MYO1H: variants seen among roughly 807,000 people sequenced by gnomAD.
MYO1H encodes the protein unconventional myosin-Ih.
A neutral mutation model predicts 149.3 loss-of-function variants in MYO1H; 118 were observed. The ratio of observed to expected loss-of-function variants is 0.79; its 90% CI spans 0.68 to 0.92. MYO1H has a LOEUF of 0.92. Among genes scored for constraint, MYO1H ranks in the 40% least tolerant of loss-of-function variants. The pLI is 0.00. For missense variants in MYO1H, 1,212 were observed against 1,280.7 expected, an observed-to-expected ratio of 0.95 and a Z score of 0.82; for synonymous variants, 447 against 465.2, an observed-to-expected ratio of 0.96 and a Z score of 0.50.
the MYO1H span, among the ~76,000 whole-genome samples, chr12:109,321,410 G>A: frequency 1.3e-5 from 2 of 151,758 alleles, no homozygotes; most frequent in Non-Finnish European, 2.9e-5. Flanking sequence ...AAAATTAGCC[G>A]GGTGTGGTGA....
chr12:109,372,185 T>C (rs1272874884), intron 1 of MYO1H, among the ~76,000 whole-genome samples: 1 of 152,152 alleles, frequency 6.6e-6, no homozygotes, highest in Non-Finnish European at 1.5e-5. Flanking sequence ...TTGTGGATTC[T>C]GGTTGTTTTT....
chr12:109,408,656 G>A (rs533138995), intron 10 of MYO1H, among the ~76,000 whole-genome samples: 1 of 152,326 alleles, frequency 6.6e-6, no homozygotes, highest in African/African-American at 2.4e-5. Flanking sequence ...ATGATACATG[G>A]ATGGGGAGGG....
chr12:109,363,299 AC>A (rs1406989618), intron 1 of MYO1H, among the ~76,000 whole-genome samples: 3 of 152,306 alleles, frequency 2.0e-5, no homozygotes, highest in Admixed American at 2.0e-4. Flanking sequence ...TGCTTCTCCC[AC>A]TTACCCAGTC....
chr12:109,345,083 A>G (rs1386386187), upstream of MYO1H, among the ~76,000 whole-genome samples: 1 of 152,128 alleles, frequency 6.6e-6, no homozygotes, highest in Non-Finnish European at 1.5e-5. Context: ...AAGAAACCAA[A>G]GGTAAAAAAA....
chr12:109,352,443 G>A (rs976987299), intron 1 of MYO1H, among the ~76,000 whole-genome samples: 1 of 151,986 alleles, frequency 6.6e-6, no homozygotes, highest in Non-Finnish European at 1.5e-5. Flanking sequence ...GGGCTATTTG[G>A]GTAGCTACCC....
chr12:109,443,540 C>G (rs1239486066), exon 28 of MYO1H: 2 of 1,613,780 alleles, frequency 1.2e-6, no homozygotes. Flanking sequence ...TTAAATATGA[C>G]AGAAAAGGCT....
At chr12:109,417,032 G>A (rs993293675) in intron 15 of MYO1H, among the ~76,000 whole-genome samples, 2 of 151,624 alleles carry the variant, frequency 1.3e-5, no homozygotes, top group South Asian at 2.1e-4. Flanking sequence ...TTAGCCGGTC[G>A]TGGTGGTGAT....
chr12:109,324,062 A>T, the MYO1H span, among the ~76,000 whole-genome samples: 1 of 151,858 alleles, frequency 6.6e-6, no homozygotes, highest in Non-Finnish European at 1.5e-5. Context: ...TTTGGTCTTC[A>T]ATGTCTGGGA....
chr12:109,393,481 T>G, intron 3 of MYO1H, 35 bp downstream of exon 3: 1 of 1,415,256 alleles, frequency 7.1e-7, no homozygotes, highest in Non-Finnish European at 9.8e-7. Flanking sequence ...ACTAGGAGGA[T>G]TTTTCTTTTT....
the MYO1H span, among the ~76,000 whole-genome samples, chr12:109,342,420 C>T: frequency 1.3e-5 from 2 of 151,172 alleles, no homozygotes; most frequent in East Asian, 3.9e-4. Flanking sequence ...GTTGGGATTA[C>T]AGGCATGAGC....
chr12:109,364,825 C>T (rs1868835031), intron 1 of MYO1H, among the ~76,000 whole-genome samples: 2 of 152,046 alleles, frequency 1.3e-5, no homozygotes, highest in African/African-American at 4.8e-5. Context: ...ACAATGCTAC[C>T]TCCAGTGTGT....
the MYO1H span, among the ~76,000 whole-genome samples, chr12:109,324,642 A>G: frequency 3.3e-5 from 5 of 152,032 alleles, no homozygotes; most frequent in African/African-American, 1.2e-4. Flanking sequence ...ATTTCTTTCT[A>G]CATTTGTTAC....
chr12:109,396,733 A>C (rs1408050949), intron 4 of MYO1H, among the ~76,000 whole-genome samples, 151 bp downstream of exon 4: 3 of 151,632 alleles, frequency 2.0e-5, no homozygotes, highest in Non-Finnish European at 2.9e-5. Flanking sequence ...GTGACCTGGA[A>C]CTAAGCCCAT....
At chr12:109,372,550 A>G (rs908296344) in intron 1 of MYO1H, among the ~76,000 whole-genome samples, 48 of 152,214 alleles carry the variant, frequency 3.2e-4, no homozygotes, top group African/African-American at 1.2e-3. Context: ...GATAAGTTCT[A>G]TTCTTTCCAT....
In MYO1H at chr12:109,401,196, T is replaced by G. The variant is rs1870143870; in HGVS notation, c.674T>G (p.Leu225Arg). 6.2e-7 allele frequency: 1 copy of G among 1,613,890 alleles called. No individual in the cohort carries two copies. The highest frequency in any genetic ancestry group is 1.3e-5 in the African/African-American group (1 of 75,030). The change falls in exon 6 of 32, where the codon CTG (leucine) becomes CGG (arginine). Residue 225 changes from leucine to arginine, a missense_variant. Leu to Arg is a moderately radical substitution (Grantham distance 102, BLOSUM62 -2). Transcript: ENST00000310903. ...AATTTCCACATCTTCTACCAGCTGC[T>G]GGCAGGTGGCGAAGAGGAGCGCCTG...
the MYO1H span, among the ~76,000 whole-genome samples, chr12:109,332,266 A>C: frequency 6.6e-6 from 1 of 152,250 alleles, no homozygotes; most frequent in African/African-American, 2.4e-5. Context: ...TATGTCTGCC[A>C]GACAGCTAGA....
the MYO1H span, among the ~76,000 whole-genome samples, chr12:109,313,997 G>A: frequency 6.6e-6 from 1 of 151,974 alleles, no homozygotes; most frequent in Non-Finnish European, 1.5e-5. Context: ...TGATTCTTCT[G>A]CCTCAGGCTC....
intron 16 of MYO1H, among the ~76,000 whole-genome samples, 200 bp downstream of exon 16, chr12:109,421,227 G>GC (rs5800861): frequency 0.51 from 77,176 of 151,726 alleles, 20,484 homozygotes; most frequent in African/African-American, 0.64. Context: ...TGTGTATGAT[G>GC]CCCCCTGGGC....
At chr12:109,387,187 T>A (rs1869377496) in intron 1 of MYO1H, among the ~76,000 whole-genome samples, 1 of 152,168 alleles carries the variant, frequency 6.6e-6, no homozygotes. Flanking sequence ...TGCCTCAGCA[T>A]CCCAGTGTGC....
Sources: gnomAD v4.1 joint callset for allele counts (sites outside exome capture counted in the v4.1 genomes callset) on GRCh38, gnomAD v4.1.1 for gene constraint, MANE v1.5 for transcripts, NCBI Gene and HGNC (gene_info 2026-07-23, HGNC 2026-07-21) for gene names.